Variants in LNX2 observed in about 807,000 individuals in gnomAD.
LNX2 encodes ligand of Numb protein X 2.
Under a neutral mutation model 66.2 loss-of-function variants are expected in LNX2, and 35 were observed. The observed-to-expected ratio is 0.53, with a 90% CI of 0.40 to 0.70. LNX2 has a LOEUF of 0.70. Among genes scored for constraint, LNX2 ranks in the 30% least tolerant of loss-of-function variants. The probability of loss-of-function intolerance (pLI) is 0.00; values close to 1 mark genes in which losing one functional copy is unlikely to be tolerated. For missense variants in LNX2, 791 were observed against 850.8 expected (o/e 0.93, Z 0.87); for synonymous variants, 337 against 315.6 (o/e 1.07, Z -0.72).
chr13:27,592,789 T>C (rs558614514), intron 1 of LNX2, among the ~76,000 whole-genome samples: 245 of 152,198 alleles, frequency 1.6e-3, no homozygotes, highest in Non-Finnish European at 3.0e-3. Context: ...AGAAAGCAGA[T>C]AAAGAAAAGT....
chr13:27,589,011 A>G (rs1171331279), intron 1 of LNX2, among the ~76,000 whole-genome samples: 1 of 152,226 alleles, frequency 6.6e-6, no homozygotes, highest in Non-Finnish European at 1.5e-5. Flanking sequence ...AGGCATTGTG[A>G]AAACAGTTTT....
intron 6 of LNX2, among the ~76,000 whole-genome samples, chr13:27,557,789 T>C (rs1297498814): frequency 6.6e-6 from 1 of 151,954 alleles, no homozygotes; most frequent in African/African-American, 2.4e-5. Flanking sequence ...TCCCAGAAAA[T>C]GTTATGACCA....
intron 1 of LNX2, among the ~76,000 whole-genome samples, chr13:27,618,292 TCACTATTC>T (rs1301377849): frequency 5.3e-5 from 8 of 152,206 alleles, no homozygotes; most frequent in African/African-American, 1.9e-4. Flanking sequence ...TATCTGGCAA[TCACTATTC>T]TAAGTAATAG....
chr13:27,603,552 C>T (rs1170044898), intron 1 of LNX2, among the ~76,000 whole-genome samples: 1 of 152,144 alleles, frequency 6.6e-6, no homozygotes, highest in Admixed American at 6.5e-5. Context: ...GGTGACAGTC[C>T]ACATCAGTAA....
intron 2 of LNX2, among the ~76,000 whole-genome samples, chr13:27,578,385 T>C (rs992292812): frequency 6.6e-6 from 1 of 152,174 alleles, no homozygotes; most frequent in Non-Finnish European, 1.5e-5. Context: ...CAAGTGAGAT[T>C]TGTATACCGA....
chr13:27,574,198 A>G (rs895161187), intron 2 of LNX2, among the ~76,000 whole-genome samples: 5 of 152,238 alleles, frequency 3.3e-5, no homozygotes, highest in Admixed American at 2.0e-4. Flanking sequence ...TAATCCCAGC[A>G]CTTTGGGACG....
At position 27,548,478 on chromosome 13, in the gene LNX2, A is replaced by G. The variant is rs1954969774; in HGVS notation, c.1938-8T>C. 1.9e-6 allele frequency: 3 copies of G among 1,607,908 alleles called. No homozygotes were observed. Among genetic ancestry groups the G allele is most frequent in the Non-Finnish European group, 2.5e-6 (3 of 1,178,072 alleles). ...ACAATCATGTCACCACACCTGGACAAAGAGAGACAGATACAGAATGTTACT... is the reference window on the plus strand; with the variant it reads ...ACAATCATGTCACCACACCTGGACAGAGAGAGACAGATACAGAATGTTACT... On this transcript the variant is annotated splice_region_variant and splice_polypyrimidine_tract_variant and intron_variant, in intron 9 of 9. Transcript: ENST00000316334.
chr13:27,603,453 C>T (rs1015443654), intron 1 of LNX2, among the ~76,000 whole-genome samples: 2 of 152,134 alleles, frequency 1.3e-5, no homozygotes, highest in African/African-American at 4.8e-5. Context: ...GCACAACTGT[C>T]CCAGAAACAA....
intron 4 of LNX2, among the ~76,000 whole-genome samples, chr13:27,564,953 C>G (rs1955187012): frequency 6.6e-6 from 1 of 152,176 alleles, no homozygotes; most frequent in Admixed American, 6.5e-5. Flanking sequence ...AACCAGAAGT[C>G]AGGGCCTATA....
chr13:27,568,882 T>C lies in LNX2; in HGVS notation c.655+147A>G, dbSNP rs1955239487. Reference sequence around the variant, plus strand: ...CAATGAAAAGGGTGAATGATGTATATAAATTATATCTCAATGAAGTTTCTT... The same window carrying C: ...CAATGAAAAGGGTGAATGATGTATACAAATTATATCTCAATGAAGTTTCTT... On this transcript the variant is annotated intron_variant, in intron 3 of 9. Coordinates refer to ENST00000316334, the MANE Select transcript of LNX2 (RefSeq NM_153371.4). 3.6e-6 allele frequency: 3 copies of C among 839,442 alleles called. No homozygotes were observed. In the East Asian group the frequency reaches 8.8e-5, roughly 25 times the overall value. 52.0% of individuals were successfully genotyped at this position (839,442 alleles called of 1,614,324 possible).
intron 1 of LNX2, among the ~76,000 whole-genome samples, chr13:27,590,233 T>TTTTATTA (rs1955532844): frequency 6.6e-6 from 1 of 151,876 alleles, no homozygotes; most frequent in Non-Finnish European, 1.5e-5. Flanking sequence ...TTATTTTTAT[T>TTTTATTA]TTTATTATTT....
Sources: gnomAD v4.1 joint callset for allele counts (sites outside exome capture counted in the v4.1 genomes callset) on GRCh38, gnomAD v4.1.1 for gene constraint, MANE v1.5 for transcripts, NCBI Gene and HGNC (gene_info 2026-07-23, HGNC 2026-07-21) for gene names.